BRD4: variants seen among roughly 807,000 people sequenced by gnomAD.
BRD4 encodes the protein bromodomain-containing protein 4.
Under a neutral mutation model 142.1 loss-of-function variants are expected in BRD4, and 16 were observed. That is an observed-to-expected ratio of 0.11 (90% CI 0.08 to 0.17). The LOEUF is 0.17. BRD4 is among the 10% of genes least tolerant of loss of function. The probability of loss-of-function intolerance (pLI) is 1.00; values close to 1 mark genes in which losing one functional copy is unlikely to be tolerated. For missense variants in BRD4, 1,424 were observed against 1,810.9 expected, an observed-to-expected ratio of 0.79 and a Z score of 3.88; for synonymous variants, 833 against 707.5, an observed-to-expected ratio of 1.18 and a Z score of -2.82.
At chr19:15,263,833 G>T (rs1278862581) in intron 6 of BRD4, among the ~76,000 whole-genome samples, 1 of 152,192 alleles carries the variant, frequency 6.6e-6, no homozygotes, top group Non-Finnish European at 1.5e-5. Flanking sequence ...CTGATGGAGA[G>T]GGCTGGGCCC....
rs1471575560 is a variant in BRD4 at position 15,264,607 on chromosome 19, C to T, written c.1009G>A (p.Asp337Asn). Residue 337 changes from aspartate to asparagine, a missense_variant, in exon 6 of 20, where the codon GAC (aspartate) becomes AAC (asparagine). Coordinates refer to ENST00000679869, the MANE Select transcript of BRD4 (RefSeq NM_001379291.1). ...PVKPPKKDVPDSQQHPAPEKS... is the reference protein window; with the variant it reads ...PVKPPKKDVPNSQQHPAPEKS... ...TCTGGTGCTGGGTGCTGCTGAGAGT[C>T]GGGCACGTCCTTCTTTGGAGGTTTC... 2 of 1,614,104 alleles carry T rather than the reference C, an allele frequency of 1.2e-6. No individual in the cohort carries two copies. Among genetic ancestry groups the T allele is most frequent in the South Asian group, 1.1e-5 (1 of 91,072 alleles).
At chr19:15,326,295 T>A (rs2048107837) in intron 1 of BRD4, among the ~76,000 whole-genome samples, 1 of 151,450 alleles carries the variant, frequency 6.6e-6, no homozygotes, top group Non-Finnish European at 1.5e-5. Flanking sequence ...AAATCCCATC[T>A]CTATTAAAAC....
intron 11 of BRD4, among the ~76,000 whole-genome samples, chr19:15,252,552 C>G (rs1276395831): frequency 2.0e-5 from 3 of 152,224 alleles, no homozygotes; most frequent in Non-Finnish European, 4.4e-5. Flanking sequence ...CACTCTGCTG[C>G]GAGTGGGGGC....
chr19:15,292,851 C>A (rs2047794608), intron 1 of BRD4, among the ~76,000 whole-genome samples: 1 of 147,412 alleles, frequency 6.8e-6, no homozygotes, highest in African/African-American at 2.5e-5. Flanking sequence ...TGAAACATCC[C>A]CAAACCAAAA....
At chr19:15,321,215 C>T (rs927279046) in intron 1 of BRD4, among the ~76,000 whole-genome samples, 7 of 150,486 alleles carry the variant, frequency 4.7e-5, no homozygotes, top group African/African-American at 1.7e-4. Flanking sequence ...AAGAGCGAGA[C>T]TCCATCAAGA....
chr19:15,253,434 G>T (rs1340952746), intron 11 of BRD4: 1 of 913,810 alleles, frequency 1.1e-6, no homozygotes, highest in African/African-American at 1.7e-5. Context: ...TGCTCAGAAG[G>T]TGGGCTCTAA....
At chr19:15,321,289 G>A (rs1430060957) in intron 1 of BRD4, among the ~76,000 whole-genome samples, 1 of 149,132 alleles carries the variant, frequency 6.7e-6, no homozygotes, top group Non-Finnish European at 1.5e-5. Context: ...AGAGAAAGAA[G>A]GAAGGAAGGA....
intron 1 of BRD4, among the ~76,000 whole-genome samples, chr19:15,279,585 C>A (rs1046924371): frequency 6.6e-6 from 1 of 152,162 alleles, no homozygotes; most frequent in African/African-American, 2.4e-5. Flanking sequence ...CAACCTGTTC[C>A]CAGACCAGGA....
At chr19:15,321,431 C>A (rs1230430548) in intron 1 of BRD4, among the ~76,000 whole-genome samples, 1 of 151,290 alleles carries the variant, frequency 6.6e-6, no homozygotes, top group Non-Finnish European at 1.5e-5. Flanking sequence ...GCTACAGGCG[C>A]CATGCTTGAG....
Position 15,238,018 on chromosome 19 carries a change from C to T in BRD4, c.*359G>A, listed in dbSNP as rs202162163. On this transcript the variant is annotated 3_prime_UTR_variant, in exon 20 of 20. Coordinates refer to ENST00000679869, the MANE Select transcript of BRD4 (RefSeq NM_001379291.1). The surrounding 1 kb of genome is among the most constrained non-coding windows in gnomAD (Gnocchi z 7.2). ...GTTCTTGGGGACAGAAAACCAGTCA[C>T]GGCGGCAGCAACGATGTCCTGTGTA... is the stretch of plus-strand genomic sequence containing the variant. 34 of 249,912 alleles carry T rather than the reference C, an allele frequency of 1.4e-4. No individual in the cohort carries two copies. Among genetic ancestry groups the T allele is most frequent in the Middle Eastern group, 1.2e-3 (1 of 856 alleles). The allele number at this position is 249,912 out of a possible 1,614,324, so 15.5% of individuals were successfully genotyped here. A position where few individuals can be genotyped will look rare whatever the true frequency, so the allele number is the denominator to read the frequency against.
intron 11 of BRD4, 121 bp from the exon 12 acceptor site, chr19:15,244,883 G>C (rs1221827655): frequency 7.1e-6 from 11 of 1,547,664 alleles, no homozygotes; most frequent in Non-Finnish European, 9.6e-6. Flanking sequence ...CCTGAGAAAG[G>C]GCAGCCGAGT....
intron 1 of BRD4, among the ~76,000 whole-genome samples, chr19:15,294,496 C>T (rs2145674351): frequency 6.6e-6 from 1 of 152,370 alleles, no homozygotes; most frequent in South Asian, 2.1e-4. Context: ...GGTTATCTTG[C>T]CACCTGGAAG....
chr19:15,270,431 A>C (rs1452282718), intron 2 of BRD4, among the ~76,000 whole-genome samples: 1 of 152,234 alleles, frequency 6.6e-6, no homozygotes, highest in Non-Finnish European at 1.5e-5. Flanking sequence ...GACTGGAAGC[A>C]GACTATCGGT....
intron 1 of BRD4, among the ~76,000 whole-genome samples, chr19:15,275,122 T>C (rs1180603414): frequency 2.0e-5 from 3 of 152,078 alleles, no homozygotes; most frequent in African/African-American, 7.2e-5. Context: ...GCCTCCCAAA[T>C]TGCTGGGGTT....
intron 1 of BRD4, chr19:15,280,521 T>C: frequency 1.2e-6 from 1 of 864,100 alleles, no homozygotes; most frequent in Non-Finnish European, 1.4e-6. Flanking sequence ...TACAATGAGA[T>C]ATATCCCGTG....
At chr19:15,311,491 C>G (rs1425603891) in intron 1 of BRD4, among the ~76,000 whole-genome samples, 1 of 151,690 alleles carries the variant, frequency 6.6e-6, no homozygotes, top group Non-Finnish European at 1.5e-5. Flanking sequence ...TAACAAAATT[C>G]TAAATACTGT....
At position 15,255,585 on chromosome 19, in the gene BRD4, C is replaced by T. The variant is rs2145571126; in HGVS notation, c.1759G>A (p.Glu587Lys). ...NSSNSNVSKK[E>K]PAPMKSKPPP... Reference sequence around the variant, plus strand: ...GGCTTGCTCTTCATGGGCGCTGGCTCCTTCTTGCTACGAAGGGACGATGCA... The same window carrying T: ...GGCTTGCTCTTCATGGGCGCTGGCTTCTTCTTGCTACGAAGGGACGATGCA... The change falls in exon 10 of 20, where the codon GAG becomes AAG. Residue 587 changes from glutamate (E) to lysine (K), a missense_variant. Physicochemically the swap from Glu to Lys is moderately conservative, Grantham distance 56. Transcript: ENST00000679869. The T allele has an allele frequency of 1.2e-6, 2 of 1,603,090 alleles. No individual in the cohort carries two copies. The highest frequency in any genetic ancestry group is 1.7e-6 in the Non-Finnish European group (2 of 1,171,550).
chr19:15,249,620 T>C (rs944510851), intron 11 of BRD4, among the ~76,000 whole-genome samples: 10 of 152,156 alleles, frequency 6.6e-5, no homozygotes, highest in African/African-American at 2.4e-4. Context: ...GGCATTTCCT[T>C]TACTGCCCTC....
At chr19:15,246,131 G>A (rs2047283851) in intron 11 of BRD4, among the ~76,000 whole-genome samples, 1 of 152,162 alleles carries the variant, frequency 6.6e-6, no homozygotes, top group Non-Finnish European at 1.5e-5. Context: ...CTGGGGCCCC[G>A]CCTAAAACCT....
Sources: gnomAD v4.1 joint callset for allele counts (sites outside exome capture counted in the v4.1 genomes callset) on GRCh38, gnomAD v4.1.1 for gene constraint, Gnocchi (gnomAD v3.1) non-coding constraint, MANE v1.5 for transcripts, NCBI Gene and HGNC (gene_info 2026-07-23, HGNC 2026-07-21) for gene names.